DLGAP1: variants seen among roughly 807,000 people sequenced by gnomAD.
DLGAP1 encodes the protein disks large-associated protein 1.
DLGAP1 carries 11 observed loss-of-function variants against 90.8 expected under a neutral mutation model. The ratio of observed to expected loss-of-function variants is 0.12; its 90% CI spans 0.08 to 0.20. The LOEUF (loss-of-function observed/expected upper bound fraction) is 0.20. Ranked by LOEUF, DLGAP1 falls within the 10% of genes least tolerant of loss-of-function variation. The pLI, the probability that DLGAP1 is intolerant of heterozygous loss-of-function variation, is 1.00. For synonymous variants in DLGAP1, 558 were observed against 540.7 expected, an observed-to-expected ratio of 1.03 and a Z score of -0.44; for missense variants, 1,050 against 1,333.8, an observed-to-expected ratio of 0.79 and a Z score of 3.31.
At chr18:3,942,638 A>T (rs564520208) in intron 3 of DLGAP1, among the ~76,000 whole-genome samples, 28 of 152,206 alleles carry the variant, frequency 1.8e-4, no homozygotes, top group Non-Finnish European at 2.6e-4. Context: ...GATAAAGTGC[A>T]TCTGCCCCTT....
chr18:3,583,103 C>T (rs191071399), intron 7 of DLGAP1, among the ~76,000 whole-genome samples: 19 of 151,410 alleles, frequency 1.3e-4, no homozygotes, highest in Non-Finnish European at 2.1e-4. Context: ...CCACCGGGCC[C>T]GGCCACTTCC....
chr18:4,034,352 A>G (rs1186743936), intron 2 of DLGAP1, among the ~76,000 whole-genome samples: 2 of 152,130 alleles, frequency 1.3e-5, no homozygotes, highest in African/African-American at 2.4e-5. Context: ...GCAAATTTTT[A>G]TATACTATTT....
chr18:4,045,044 G>T (rs1195443020), intron 2 of DLGAP1, among the ~76,000 whole-genome samples: 1 of 151,972 alleles, frequency 6.6e-6, no homozygotes, highest in Non-Finnish European at 1.5e-5. Context: ...CTAAAGACAA[G>T]TTATAATCAT....
chr18:4,421,900 G>T (rs1040271853), intron 1 of DLGAP1, among the ~76,000 whole-genome samples: 2 of 151,984 alleles, frequency 1.3e-5, no homozygotes, highest in African/African-American at 4.8e-5. Context: ...TTCTAGTAGA[G>T]ACAGGATTTC....
Position 3,526,777 on chromosome 18 carries a change from TA to T in DLGAP1, c.2479+7416del, listed in dbSNP as rs1568133362. Among the ~76,000 whole-genome samples, 1 of 152,050 alleles carries T rather than the reference TA, an allele frequency of 6.6e-6. No individual in the cohort carries two copies. The highest frequency in any genetic ancestry group is 1.5e-5 in the Non-Finnish European group (1 of 68,020). ...GGTCGTTTCATCCCCGGTTAGATAA[TA>T]CCAGACGTATCTATGTAACATACAA... is the stretch of plus-strand genomic sequence containing the variant. On this transcript the variant is annotated intron_variant, in intron 10 of 12. Transcript: ENST00000315677. This position sits in a 1 kb window ranked among gnomAD's most constrained non-coding sequence, Gnocchi z 4.7.
intron 11 of DLGAP1, among the ~76,000 whole-genome samples, chr18:3,507,280 T>G (rs2050282334): frequency 6.6e-6 from 1 of 151,904 alleles, no homozygotes; most frequent in Non-Finnish European, 1.5e-5. Context: ...GGTCAGGAGT[T>G]TGAGACTATC....
rs2072424627 is a variant in DLGAP1, at chr18:3,927,773, T to C, written c.-72-47633A>G. Among the ~76,000 whole-genome samples, 3 of 152,162 alleles carry C rather than the reference T, an allele frequency of 2.0e-5. No homozygotes were observed. The South Asian group carries it at 6.2e-4, about 32-fold the overall frequency. ...AACATGTGAATTTATTATTAAGGAG[T>C]AAAAGTTGTACATTTTACATTATGT... On this transcript the variant is annotated intron_variant, in intron 3 of 12. Transcript: ENST00000315677.
chr18:3,664,218 C>CCCCA (rs1555620387), intron 7 of DLGAP1, among the ~76,000 whole-genome samples: 1 of 75,774 alleles, frequency 1.3e-5, no homozygotes, highest in African/African-American at 5.8e-5. Flanking sequence ...ACACACACAC[C>CCCCA]CACACACACA....
intron 1 of DLGAP1, among the ~76,000 whole-genome samples, chr18:4,157,595 T>G (rs1568425781): frequency 6.6e-6 from 1 of 152,188 alleles, no homozygotes; most frequent in Non-Finnish European, 1.5e-5. Context: ...TGTGCTTTGT[T>G]CAGTGATTTT....
chr18:3,837,849 CAAAAAAA>C (rs5822770), intron 4 of DLGAP1, among the ~76,000 whole-genome samples: 4 of 26,816 alleles, frequency 1.5e-4, no homozygotes, highest in South Asian at 6.6e-3. Flanking sequence ...GAGATTCTGT[CAAAAAAA>C]AAAAAAAAAA....
intron 3 of DLGAP1, among the ~76,000 whole-genome samples, chr18:3,987,263 G>A (rs977845028): frequency 3.9e-5 from 6 of 152,100 alleles, no homozygotes; most frequent in Admixed American, 1.3e-4. Flanking sequence ...CCCACTTCCT[G>A]CAGAGCAGCT....
intron 3 of DLGAP1, among the ~76,000 whole-genome samples, chr18:3,943,489 A>G (rs1167840242): frequency 6.7e-6 from 1 of 148,900 alleles, no homozygotes; most frequent in Non-Finnish European, 1.5e-5. Flanking sequence ...GGAAAAGAAC[A>G]TCACTGCTAG....
intron 1 of DLGAP1, among the ~76,000 whole-genome samples, chr18:4,359,447 C>G (rs1007943136): frequency 2.0e-5 from 3 of 152,170 alleles, no homozygotes; most frequent in Non-Finnish European, 4.4e-5. Context: ...GATCATACCC[C>G]CTTTTTCCAG....
At chr18:3,583,664 C>A (rs2055704790) in intron 7 of DLGAP1, among the ~76,000 whole-genome samples, 1 of 152,198 alleles carries the variant, frequency 6.6e-6, no homozygotes, top group Non-Finnish European at 1.5e-5. Flanking sequence ...GGGCCTGAAT[C>A]TGACTGGGTG....
At chr18:3,693,148 A>C (rs2060957804) in intron 7 of DLGAP1, among the ~76,000 whole-genome samples, 2 of 152,206 alleles carry the variant, frequency 1.3e-5, no homozygotes, top group African/African-American at 4.8e-5. Context: ...CAGTGGTGCC[A>C]TCATAGCTAC....
At chr18:3,787,164 G>A (rs1347662379) in intron 5 of DLGAP1, among the ~76,000 whole-genome samples, 1 of 152,028 alleles carries the variant, frequency 6.6e-6, no homozygotes, top group South Asian at 2.1e-4. Context: ...TAGATTTTTT[G>A]GGCATAGATA....
At chr18:3,807,901 G>GCAGGCTTCCTTTCAACA (rs1268153045) in intron 5 of DLGAP1, among the ~76,000 whole-genome samples, 5 of 152,058 alleles carry the variant, frequency 3.3e-5, no homozygotes, top group Admixed American at 2.6e-4. Flanking sequence ...TTCAGTCTAC[G>GCAGGCTTCCTTTCAACA]CAGGCTTCCT....
At chr18:4,023,434 C>T (rs1167006586) in intron 2 of DLGAP1, among the ~76,000 whole-genome samples, 1 of 152,150 alleles carries the variant, frequency 6.6e-6, no homozygotes, top group African/African-American at 2.4e-5. Flanking sequence ...CCATATTTGC[C>T]ATGTAATCAC....
At chr18:3,623,638 G>T (rs144953424) in intron 7 of DLGAP1, among the ~76,000 whole-genome samples, 1 of 151,994 alleles carries the variant, frequency 6.6e-6, no homozygotes, top group East Asian at 1.9e-4. Context: ...TCAGCCGGGC[G>T]TGGTGGCGCA....
Sources: gnomAD v4.1 joint callset for allele counts (sites outside exome capture counted in the v4.1 genomes callset) on GRCh38, gnomAD v4.1.1 for gene constraint, Gnocchi (gnomAD v3.1) non-coding constraint, MANE v1.5 for transcripts, NCBI Gene and HGNC (gene_info 2026-07-23, HGNC 2026-07-21) for gene names.